ALPK3: variants seen among roughly 807,000 people sequenced by gnomAD.
The protein encoded by ALPK3 is alpha-protein kinase 3.
In ALPK3, 102 loss-of-function variants were observed where a neutral mutation model predicts 140.0. The ratio of observed to expected loss-of-function variants is 0.73; its 90% CI spans 0.62 to 0.86. The LOEUF is 0.86. Ranked by LOEUF, ALPK3 falls within the 40% of genes least tolerant of loss-of-function variation. The pLI is 0.00. For synonymous variants in ALPK3, 938 were observed against 898.5 expected (o/e 1.04, Z -0.79); for missense variants, 2,254 against 2,208.2 (o/e 1.02, Z -0.42).
Position 84,863,589 on chromosome 15 carries a change from A to T in ALPK3, c.4448A>T (p.Lys1483Ile), listed in dbSNP as rs367667489. ...KIQNMSREYC[K>I]IFAAEARAAP... Reference sequence around the variant, plus strand: ...CAGAACATGAGTCGGGAGTACTGCAAAATCTTCGCAGCAGAAGCCCGGGCC... The same window carrying T: ...CAGAACATGAGTCGGGAGTACTGCATAATCTTCGCAGCAGAAGCCCGGGCC... Residue 1483 changes from lysine to isoleucine, a missense_variant, in exon 11 of 14, where the codon AAA becomes ATA. Transcript: ENST00000258888. The T allele has an allele frequency of 1.2e-6, 2 of 1,613,998 alleles. No homozygotes were observed. Among genetic ancestry groups the T allele is most frequent in the Non-Finnish European group, 1.7e-6 (2 of 1,179,990 alleles).
intron 3 of ALPK3, among the ~76,000 whole-genome samples, chr15:84,832,104 T>C (rs1031054030): frequency 7.2e-5 from 11 of 152,338 alleles, no homozygotes; most frequent in Non-Finnish European, 1.5e-4. Flanking sequence ...TCCAGTGAGA[T>C]AGAATGGTTG....
In ALPK3 at chr15:84,823,701, C is replaced by A. The variant is rs192983053; in HGVS notation, c.182+333C>A. On this transcript the variant is annotated intron_variant, in intron 2 of 13. Coordinates refer to ENST00000258888, the MANE Select transcript of ALPK3 (RefSeq NM_020778.5). ...GAGCCATGAGTCATGTCACATGACC[C>A]ACCTCTTCCCCATCCTAGGTTTTTT... Among the ~76,000 whole-genome samples, 4 of 152,220 alleles carry A rather than the reference C, an allele frequency of 2.6e-5. No individual in the cohort carries two copies. In the East Asian group the frequency reaches 7.7e-4, roughly 29 times the overall value.
chr15:84,858,450 C>G lies in ALPK3; in HGVS notation c.3712C>G (p.Leu1238Val). The change falls in exon 6 of 14, where the codon CTG (leucine) becomes GTG (valine). Residue 1238 changes from leucine to valine, a missense_variant. Leu to Val is a conservative substitution (Grantham distance 32). This residue lies in a region of ALPK3 where 2,088 missense variants were observed against 2,022.9 expected (regional missense o/e 1.03). Coordinates refer to ENST00000258888, the MANE Select transcript of ALPK3 (RefSeq NM_020778.5). Reference protein sequence around the residue: ...RAEEELAAGDLGPSPKAGGLD... With the variant: ...RAEEELAAGDVGPSPKAGGLD... Reference sequence around the variant, plus strand: ...AGAGGAGGAGCTGGCGGCAGGAGACCTGGGCCCCAGCCCCAAGGCCGGCGG... The same window carrying G: ...AGAGGAGGAGCTGGCGGCAGGAGACGTGGGCCCCAGCCCCAAGGCCGGCGG... The G allele has an allele frequency of 6.4e-7, 1 of 1,567,672 alleles. No homozygotes were observed. The highest frequency in any genetic ancestry group is 1.7e-4 in the Middle Eastern group (1 of 5,940).
chr15:84,827,605 G>A lies in ALPK3; in HGVS notation c.304G>A (p.Gly102Arg), dbSNP rs775149809. 11 of 1,614,028 alleles carry A rather than the reference G, an allele frequency of 6.8e-6. No individual in the cohort carries two copies. Among genetic ancestry groups the A allele is most frequent in the Non-Finnish European group, 8.5e-6 (10 of 1,180,034 alleles). ...SDVRFTCIVT[G>R]YPEPEVTWYK... Reference sequence around the variant, plus strand: ...CGTCAGGTTCACCTGCATCGTCACAGGTAAGGATGCTGTCTGTATGCTCCA... The same window carrying A: ...CGTCAGGTTCACCTGCATCGTCACAAGTAAGGATGCTGTCTGTATGCTCCA... Residue 102 changes from glycine to arginine, a missense_variant and splice_region_variant, in exon 3 of 14, where the codon GGA becomes AGA. This residue lies in a region of ALPK3 where 2,088 missense variants were observed against 2,022.9 expected (regional missense o/e 1.03). Transcript: ENST00000258888.
intron 12 of ALPK3, among the ~76,000 whole-genome samples, chr15:84,866,669 G>GC (rs1187330249): frequency 2.6e-5 from 4 of 152,216 alleles, no homozygotes; most frequent in Non-Finnish European, 5.9e-5. Context: ...GGCTTAACCT[G>GC]GAAGACCATC....
rs564179328 is a variant in ALPK3, at chr15:84,817,616, G to A, written c.143+21G>A. 1.3e-5 allele frequency: 19 copies of A among 1,478,732 alleles called. No individual in the cohort carries two copies. In the African/African-American group the frequency reaches 2.6e-4, roughly 20 times the overall value. 91.6% of individuals were successfully genotyped at this position (1,478,732 alleles called of 1,614,324 possible). A position where few individuals can be genotyped will look rare whatever the true frequency, so the allele number is the denominator to read the frequency against. ...ACCAGGTAAGTGGCACCAAGGGGCA[G>A]GGCGGCGTCGGGCCGGCGATGCCCT... On this transcript the variant is annotated intron_variant, in intron 1 of 13. Coordinates refer to ENST00000258888, the MANE Select transcript of ALPK3 (RefSeq NM_020778.5).
chr15:84,826,587 G>T (rs1424990810), intron 2 of ALPK3, among the ~76,000 whole-genome samples: 1 of 152,114 alleles, frequency 6.6e-6, no homozygotes, highest in South Asian at 2.1e-4. Flanking sequence ...TTGCTTCCTG[G>T]GCCCAGGAAG....
chr15:84,837,598 T>C lies in ALPK3; in HGVS notation c.305-1382T>C, dbSNP rs565504233. Among the ~76,000 whole-genome samples the C allele has an allele frequency of 3.9e-5, 6 of 152,322 alleles. No homozygotes were observed. The South Asian group carries it at 1.2e-3, about 32-fold the overall frequency. ...TACTTAATATATATCTTTGAGTGAATGTATGTTAGCAGTCTCATATCAAGC... is the reference window on the plus strand; with the variant it reads ...TACTTAATATATATCTTTGAGTGAACGTATGTTAGCAGTCTCATATCAAGC... On this transcript the variant is annotated intron_variant, in intron 3 of 13. Coordinates refer to ENST00000258888, the MANE Select transcript of ALPK3 (RefSeq NM_020778.5).
chr15:84,838,169 G>A (rs1963616177), intron 3 of ALPK3, among the ~76,000 whole-genome samples: 1 of 152,092 alleles, frequency 6.6e-6, no homozygotes, highest in Admixed American at 6.5e-5. Flanking sequence ...ATGAATGAAC[G>A]GGTGGACAGA....
At chr15:84,865,021 A>G (rs968039043) in intron 12 of ALPK3, among the ~76,000 whole-genome samples, 5 of 152,168 alleles carry the variant, frequency 3.3e-5, no homozygotes, top group Non-Finnish European at 7.3e-5. Context: ...GCTTTGCTCT[A>G]GACTTTCTCA....
intron 5 of ALPK3, among the ~76,000 whole-genome samples, chr15:84,844,448 A>G (rs1963705814): frequency 6.6e-6 from 1 of 152,234 alleles, no homozygotes; most frequent in Admixed American, 6.5e-5. Flanking sequence ...ACAGGTTTCC[A>G]ACTTTTGGAA....
chr15:84,844,716 G>T (rs1489206710), intron 5 of ALPK3, among the ~76,000 whole-genome samples: 8 of 152,278 alleles, frequency 5.3e-5, no homozygotes, highest in African/African-American at 1.9e-4. Flanking sequence ...ACTTAGCTGG[G>T]TGTGGTGATG....
intron 5 of ALPK3, among the ~76,000 whole-genome samples, chr15:84,844,894 A>G (rs765863426): frequency 2.6e-5 from 4 of 152,204 alleles, no homozygotes; most frequent in South Asian, 2.1e-4. Context: ...AAATGAACCA[A>G]CTAGAATTCC....
intron 2 of ALPK3, among the ~76,000 whole-genome samples, chr15:84,826,622 G>T (rs973576954): frequency 1.3e-5 from 2 of 152,172 alleles, no homozygotes; most frequent in Admixed American, 6.5e-5. Context: ...CCTGAGCATT[G>T]TTGGTGAGTT....
Position 84,858,438 on chromosome 15 carries a change from G to C in ALPK3, c.3700G>C (p.Ala1234Pro). The C allele has an allele frequency of 1.3e-6, 2 of 1,564,686 alleles. No individual in the cohort carries two copies. The highest frequency in any genetic ancestry group is 1.7e-6 in the Non-Finnish European group (2 of 1,158,256). The change falls in exon 6 of 14, where the codon GCG (alanine) becomes CCG (proline). Residue 1234 changes from alanine (A) to proline (P), a missense_variant. Physicochemically the swap from Ala to Pro is conservative, Grantham distance 27. This residue lies in a region of ALPK3 where 2,088 missense variants were observed against 2,022.9 expected (regional missense o/e 1.03). Coordinates refer to ENST00000258888, the MANE Select transcript of ALPK3 (RefSeq NM_020778.5). The part of the protein sequence containing the change: ...LEVPRAEEEL[A>P]AGDLGPSPKA... Reference sequence around the variant, plus strand: ...GGTGCCTCGGGCAGAGGAGGAGCTGGCGGCAGGAGACCTGGGCCCCAGCCC... The same window carrying C: ...GGTGCCTCGGGCAGAGGAGGAGCTGCCGGCAGGAGACCTGGGCCCCAGCCC...
chr15:84,860,360 C>G (rs1216505705), intron 9 of ALPK3, among the ~76,000 whole-genome samples: 1 of 152,196 alleles, frequency 6.6e-6, no homozygotes. Context: ...ATGTCTTATC[C>G]TGCCAGCTCC....
Position 84,868,096 on chromosome 15 carries a change from C to G in ALPK3, c.4773-15C>G. Reference sequence around the variant, plus strand: ...TGGTTGGGACCCCCACTCAGCTCTTCCTGTCTGGCTGCAGATACCAGGGCC... The same window carrying G: ...TGGTTGGGACCCCCACTCAGCTCTTGCTGTCTGGCTGCAGATACCAGGGCC... On this transcript the variant is annotated splice_polypyrimidine_tract_variant and intron_variant, in intron 13 of 13. Coordinates refer to ENST00000258888, the MANE Select transcript of ALPK3 (RefSeq NM_020778.5). 6.2e-7 allele frequency: 1 copy of G among 1,601,944 alleles called. No homozygotes were observed. The highest frequency in any genetic ancestry group is 8.5e-7 in the Non-Finnish European group (1 of 1,172,274).
intron 5 of ALPK3, among the ~76,000 whole-genome samples, chr15:84,853,260 G>A (rs945188644): frequency 6.6e-6 from 1 of 152,170 alleles, no homozygotes; most frequent in African/African-American, 2.4e-5. Flanking sequence ...TTGGCACCAA[G>A]GCAGTTTTGT....
chr15:84,864,582 C>G lies in ALPK3; in HGVS notation c.4640C>G (p.Ser1547Cys). Residue 1547 changes from serine (S) to cysteine (C), a missense_variant, in exon 12 of 14, where the codon TCT becomes TGT. Around this residue, in one of 3 missense-constraint regions of ALPK3, gnomAD observed 2,088 missense variants for 2,022.9 expected, o/e 1.03. Coordinates refer to ENST00000258888, the MANE Select transcript of ALPK3 (RefSeq NM_020778.5). ...GAGGCTCCGACAGCATCTGGCAGCTCTGAGGCCATGCAGAAATGCCAGACC... is the reference window on the plus strand; with the variant it reads ...GAGGCTCCGACAGCATCTGGCAGCTGTGAGGCCATGCAGAAATGCCAGACC... ...CAEAPTASGS[S>C]EAMQKCQTFQ... 1 of 1,614,222 alleles carries G rather than the reference C, an allele frequency of 6.2e-7. No individual in the cohort carries two copies. The highest frequency in any genetic ancestry group is 8.5e-7 in the Non-Finnish European group (1 of 1,180,040).
Sources: gnomAD v4.1 joint callset for allele counts (sites outside exome capture counted in the v4.1 genomes callset) on GRCh38, gnomAD v4.1.1 for gene constraint, gnomAD v4.1.1 regional missense constraint, MANE v1.5 for transcripts, NCBI Gene and HGNC (gene_info 2026-07-23, HGNC 2026-07-21) for gene names.